MAP4K4: variants seen among roughly 807,000 people sequenced by gnomAD.
The protein encoded by MAP4K4 is HPK/GCK-like kinase HGK.
In MAP4K4, 38 loss-of-function variants were observed where a neutral mutation model predicts 189.6. The ratio of observed to expected loss-of-function variants is 0.20; its 90% CI spans 0.15 to 0.26. MAP4K4 has a LOEUF of 0.26. Ranked by LOEUF, MAP4K4 falls within the 10% of genes least tolerant of loss-of-function variation. The pLI, the probability that MAP4K4 is intolerant of heterozygous loss-of-function variation, is 1.00. For missense variants in MAP4K4, 1,054 were observed against 1,726.9 expected, an observed-to-expected ratio of 0.61 and a Z score of 6.91; for synonymous variants, 610 against 624.3, an observed-to-expected ratio of 0.98 and a Z score of 0.34.
chr2:101,829,641 A>G, intron 6 of MAP4K4, 47 bp downstream of exon 6: 2 of 1,311,752 alleles, frequency 1.5e-6, no homozygotes, highest in Non-Finnish European at 2.2e-6. Context: ...ACCTGGCACA[A>G]GCCAGCTGCA....
chr2:101,729,724 C>G (rs2057536344), intron 2 of MAP4K4, among the ~76,000 whole-genome samples: 1 of 152,190 alleles, frequency 6.6e-6, no homozygotes, highest in Non-Finnish European at 1.5e-5. Context: ...CTCTTGCCCA[C>G]ATGTGTCTAA....
intron 11 of MAP4K4, among the ~76,000 whole-genome samples, chr2:101,842,897 T>C (rs547924563): frequency 4.6e-5 from 7 of 152,344 alleles, no homozygotes; most frequent in African/African-American, 1.7e-4. Context: ...AGGGTTGTAT[T>C]GTGTCCCCTT....
At chr2:101,879,486 T>C (rs1274989617) in intron 27 of MAP4K4, among the ~76,000 whole-genome samples, 2 of 152,180 alleles carry the variant, frequency 1.3e-5, no homozygotes, top group Non-Finnish European at 2.9e-5. Flanking sequence ...CAAAACATTA[T>C]ATATAAAACT....
chr2:101,758,043 G>A (rs987851097), intron 2 of MAP4K4, among the ~76,000 whole-genome samples: 2 of 151,986 alleles, frequency 1.3e-5, no homozygotes, highest in African/African-American at 4.8e-5. Context: ...ACAAACAAAA[G>A]CAATAACAAT....
chr2:101,884,824 CTG>C (rs1277523961), intron 28 of MAP4K4, among the ~76,000 whole-genome samples: 2 of 152,276 alleles, frequency 1.3e-5, no homozygotes, highest in Non-Finnish European at 2.9e-5. Context: ...ACCTCGGTCT[CTG>C]TGTGTTTCAG....
chr2:101,867,441 G>C lies in MAP4K4; in HGVS notation c.2454+132G>C, dbSNP rs573782200. The C allele has an allele frequency of 3.0e-4, 197 of 650,948 alleles. No homozygotes were observed. In the African/African-American group the frequency reaches 3.3e-3, roughly 11 times the overall value. 40.3% of individuals were successfully genotyped at this position (650,948 alleles called of 1,614,324 possible). On this transcript the variant is annotated intron_variant, in intron 20 of 32. Transcript: ENST00000324219. ...ACAGATTTGAGGAATTATAAGGAATGACCTAAACCCCAGACATACTTGTTC... is the reference window on the plus strand; with the variant it reads ...ACAGATTTGAGGAATTATAAGGAATCACCTAAACCCCAGACATACTTGTTC...
At chr2:101,818,430 G>C (rs1345628881) in intron 3 of MAP4K4, among the ~76,000 whole-genome samples, 1 of 152,090 alleles carries the variant, frequency 6.6e-6, no homozygotes, top group Non-Finnish European at 1.5e-5. Flanking sequence ...GGTATGCCAG[G>C]TGAAAGGCTT....
intron 3 of MAP4K4, among the ~76,000 whole-genome samples, chr2:101,802,592 C>G (rs2094471675): frequency 6.6e-6 from 1 of 152,144 alleles, no homozygotes; most frequent in South Asian, 2.1e-4. Context: ...CACGGCTGCC[C>G]AGCTCACTCC....
At chr2:101,716,869 C>G (rs924252387) in intron 2 of MAP4K4, among the ~76,000 whole-genome samples, 2 of 152,118 alleles carry the variant, frequency 1.3e-5, no homozygotes, top group Admixed American at 6.6e-5. Context: ...TTTTTGTCTC[C>G]TTTCTTCCTT....
rs2095464326 is a variant in MAP4K4, at chr2:101,812,081, T to G, written c.181-11847T>G. ...TGTGTTTTCATGACAACAATACGTTTACTTTTTCTTTTGTGCAGAAATTTA... is the reference window on the plus strand; with the variant it reads ...TGTGTTTTCATGACAACAATACGTTGACTTTTTCTTTTGTGCAGAAATTTA... On this transcript the variant is annotated intron_variant, in intron 3 of 32. Transcript: ENST00000324219. Among the ~76,000 whole-genome samples, 4 of 152,362 alleles carry G rather than the reference T, an allele frequency of 2.6e-5. No homozygotes were observed. The South Asian group carries it at 8.3e-4, about 32-fold the overall frequency.
At chr2:101,788,426 A>G (rs6736454) in intron 2 of MAP4K4, among the ~76,000 whole-genome samples, 4,733 of 152,288 alleles carry the variant, frequency 0.031, 253 homozygotes, top group African/African-American at 0.11. Context: ...AACTTAAGCA[A>G]CTTTCCTGAG....
At chr2:101,836,323 C>T (rs1245087029) in intron 9 of MAP4K4, among the ~76,000 whole-genome samples, 1 of 152,144 alleles carries the variant, frequency 6.6e-6, no homozygotes, top group African/African-American at 2.4e-5. Flanking sequence ...GTGGCTCGCA[C>T]CTGTAATCCC....
chr2:101,745,197 T>C (rs2064693541), intron 2 of MAP4K4, among the ~76,000 whole-genome samples: 1 of 152,106 alleles, frequency 6.6e-6, no homozygotes, highest in Non-Finnish European at 1.5e-5. Context: ...TGCATCTTTT[T>C]CAAAGGTGAA....
chr2:101,785,555 GT>G (rs2090212158), intron 2 of MAP4K4, among the ~76,000 whole-genome samples: 2 of 152,176 alleles, frequency 1.3e-5, no homozygotes, highest in Non-Finnish European at 2.9e-5. Flanking sequence ...CATCAAATGT[GT>G]TTTAAAGGGA....
intron 3 of MAP4K4, among the ~76,000 whole-genome samples, chr2:101,797,889 G>GTTTTTTTTTGTTTTTTTTTTTTT (rs2093920321): frequency 1.9e-5 from 1 of 52,304 alleles, no homozygotes; most frequent in Admixed American, 3.2e-4. Context: ...CATTCTTTTA[G>GTTTTTTTTTGTTTTTTTTTTTTT]TTTTTTTTTT....
chr2:101,698,171 G>GGGCAGCCGGCAGCGGGCAGCC, intron 1 of MAP4K4, 34 bp downstream of exon 1: 1 of 959,354 alleles, frequency 1.0e-6, no homozygotes, highest in Non-Finnish European at 1.3e-6. Flanking sequence ...CGCGGGGAGC[G>GGGCAGCCGGCAGCGGGCAGCC]GGCAGCCGGC....
chr2:101,704,310 C>A (rs1159964985), intron 2 of MAP4K4, among the ~76,000 whole-genome samples: 1 of 151,854 alleles, frequency 6.6e-6, no homozygotes, highest in Non-Finnish European at 1.5e-5. Context: ...TTGAGCAAGC[C>A]CTGCTCTCAA....
exon 5 of MAP4K4, chr2:101,825,329 A>C: frequency 6.2e-7 from 1 of 1,609,536 alleles, no homozygotes; most frequent in Non-Finnish European, 8.5e-7. Context: ...CTTGTTATGG[A>C]GTTCTGTGGG....
chr2:101,806,005 C>G (rs1295563154), intron 3 of MAP4K4, among the ~76,000 whole-genome samples: 3 of 152,110 alleles, frequency 2.0e-5, no homozygotes, highest in Non-Finnish European at 2.9e-5. Context: ...GATAGGGAGA[C>G]ACAGCCAAAT....
Sources: gnomAD v4.1 joint callset for allele counts (sites outside exome capture counted in the v4.1 genomes callset) on GRCh38, gnomAD v4.1.1 for gene constraint, MANE v1.5 for transcripts, NCBI Gene and HGNC (gene_info 2026-07-23, HGNC 2026-07-21) for gene names.